The following KCNJ15 variants were observed in gnomAD, a reference collection of about 807,000 sequenced individuals.
The protein encoded by KCNJ15 is ATP-sensitive inward rectifier potassium channel 15.
Under a neutral mutation model 23.0 loss-of-function variants are expected in KCNJ15, and 14 were observed. The observed-to-expected ratio is 0.61, with a 90% CI of 0.40 to 0.95. KCNJ15 has a LOEUF of 0.95. KCNJ15 is among the 40% of genes least tolerant of loss of function. The pLI is 0.00. For missense variants in KCNJ15, 388 were observed against 461.8 expected, an observed-to-expected ratio of 0.84 and a Z score of 1.46; for synonymous variants, 185 against 183.2, an observed-to-expected ratio of 1.01 and a Z score of -0.08.
At chr21:38,245,126 T>A (rs1367857600) in intron 1 of KCNJ15, among the ~76,000 whole-genome samples, 1 of 151,598 alleles carries the variant, frequency 6.6e-6, no homozygotes, top group East Asian at 2.0e-4. Flanking sequence ...CAGAAGGAAG[T>A]CAGAGAGAGA....
chr21:38,247,828 A>C (rs1275910321), intron 1 of KCNJ15, among the ~76,000 whole-genome samples: 1 of 152,168 alleles, frequency 6.6e-6, no homozygotes, highest in African/African-American at 2.4e-5. Context: ...TGCAACTATG[A>C]AAGAAGCTTC....
chr21:38,262,084 CA>C (rs771407142), intron 1 of KCNJ15, among the ~76,000 whole-genome samples: 1 of 152,146 alleles, frequency 6.6e-6, no homozygotes, highest in African/African-American at 2.4e-5. Context: ...ACCTCTTTGC[CA>C]AAAAATACAA....
rs767539923 is a variant in KCNJ15, at chr21:38,299,239, C to T, written c.-18-5C>T. ...ATAATGAAACATCTTTGTCATTTCTCTAAGTGTTTCCAGAGCCTGGCAATG... is the reference window on the plus strand; with the variant it reads ...ATAATGAAACATCTTTGTCATTTCTTTAAGTGTTTCCAGAGCCTGGCAATG... On this transcript the variant is annotated splice_polypyrimidine_tract_variant and splice_region_variant and intron_variant, in intron 2 of 2. Transcript: ENST00000398938. The surrounding 1 kb of genome is among the most constrained non-coding windows in gnomAD (Gnocchi z 4.5). 17 of 1,591,672 alleles carry T rather than the reference C, an allele frequency of 1.1e-5. No individual in the cohort carries two copies. The African/African-American group carries it at 2.0e-4, about 19-fold the overall frequency.
chr21:38,270,429 CA>C (rs1267509926), intron 1 of KCNJ15, among the ~76,000 whole-genome samples: 2 of 152,156 alleles, frequency 1.3e-5, no homozygotes, highest in Non-Finnish European at 2.9e-5. Context: ...TCTCTTTTTA[CA>C]AATGAGGAAA....
chr21:38,300,561 G>T lies in KCNJ15; in HGVS notation c.*172G>T. ...CTTGTGGCTAAACCAGCATTTCTGT[G>T]TTTGAGAGATTTCCTGTTAGGTGCT... On this transcript the variant is annotated 3_prime_UTR_variant, in exon 3 of 3. Transcript: ENST00000398938. The T allele has an allele frequency of 1.7e-6, 1 of 589,902 alleles. No homozygotes were observed. Among genetic ancestry groups the T allele is most frequent in the South Asian group, 2.5e-5 (1 of 40,482 alleles). The allele number at this position is 589,902 out of a possible 1,614,324, so 36.5% of individuals were successfully genotyped here.
chr21:38,277,987 A>G (rs1245919687), intron 1 of KCNJ15, among the ~76,000 whole-genome samples: 1 of 152,216 alleles, frequency 6.6e-6, no homozygotes, highest in African/African-American at 2.4e-5. Flanking sequence ...CTGCCCTCAA[A>G]GAACTTCTAG....
intron 1 of KCNJ15, among the ~76,000 whole-genome samples, chr21:38,279,420 G>T (rs1983092218): frequency 6.6e-6 from 1 of 152,154 alleles, no homozygotes; most frequent in South Asian, 2.1e-4. Flanking sequence ...TGGAGCCTTG[G>T]AGAAAATGCC....
At chr21:38,234,249 C>A (rs1410073907) in intron 1 of KCNJ15, among the ~76,000 whole-genome samples, 1 of 152,206 alleles carries the variant, frequency 6.6e-6, no homozygotes, top group African/African-American at 2.4e-5. Context: ...AATTCATAAA[C>A]TTTCTTAAGA....
intron 2 of KCNJ15, among the ~76,000 whole-genome samples, chr21:38,298,861 G>A (rs1985442106): frequency 6.6e-6 from 1 of 152,148 alleles, no homozygotes; most frequent in Non-Finnish European, 1.5e-5. Context: ...ACAAAAAACA[G>A]CATAACATTA....
chr21:38,286,418 G>T (rs141852687), intron 1 of KCNJ15, among the ~76,000 whole-genome samples: 4 of 152,284 alleles, frequency 2.6e-5, no homozygotes, highest in African/African-American at 9.6e-5. Context: ...TTCTAGAGTA[G>T]AAGATGTTGG....
intron 1 of KCNJ15, among the ~76,000 whole-genome samples, chr21:38,234,578 C>T (rs1044603866): frequency 1.1e-4 from 16 of 152,172 alleles, no homozygotes; most frequent in Admixed American, 6.6e-5. Context: ...AAGTTATTAA[C>T]GAGAGTTTCA....
At chr21:38,270,884 A>T (rs1422811766) in intron 1 of KCNJ15, among the ~76,000 whole-genome samples, 1 of 152,232 alleles carries the variant, frequency 6.6e-6, no homozygotes, top group East Asian at 1.9e-4. Context: ...TAACTGTTCT[A>T]CCTGGGTCAA....
upstream of KCNJ15, among the ~76,000 whole-genome samples, chr21:38,251,814 T>C (rs1456627490): frequency 1.3e-5 from 2 of 152,182 alleles, no homozygotes; most frequent in Non-Finnish European, 2.9e-5. Context: ...AAAATCAGGA[T>C]TATTGGTCAC....
At chr21:38,288,062 A>ATTTTTTTTTTT (rs1984162864) in intron 1 of KCNJ15, among the ~76,000 whole-genome samples, 1 of 11,564 alleles carries the variant, frequency 8.6e-5, no homozygotes, top group Non-Finnish European at 3.0e-4. Context: ...TTTTTTTGAG[A>ATTTTTTTTTTT]TGGAGTCTCA....
intron 1 of KCNJ15, chr21:38,238,005 T>C: frequency 4.8e-6 from 1 of 207,380 alleles, no homozygotes; most frequent in South Asian, 7.8e-5. Context: ...AGCCTAATTC[T>C]GTCCTCTAGG....
chr21:38,253,567 C>T (rs926493234), upstream of KCNJ15, among the ~76,000 whole-genome samples: 2 of 152,202 alleles, frequency 1.3e-5, no homozygotes, highest in African/African-American at 4.8e-5. Context: ...CCATAAATAG[C>T]TCCATATCTA....
intron 1 of KCNJ15, among the ~76,000 whole-genome samples, chr21:38,288,662 A>G (rs1984244049): frequency 6.6e-6 from 1 of 152,236 alleles, no homozygotes; most frequent in Admixed American, 6.5e-5. Flanking sequence ...AGAAAGATAA[A>G]TGTGAGTGGT....
chr21:38,300,968 G>T lies in KCNJ15; in HGVS notation c.*579G>T, dbSNP rs1247801150. On this transcript the variant is annotated 3_prime_UTR_variant, in exon 3 of 3. Transcript: ENST00000398938. ...TTACCTTTCTTCAGTGGACTGAATT[G>T]TATGGAAGGAAATTGATCAGATCTG... The T allele has an allele frequency of 6.0e-6, 1 of 167,094 alleles. No individual in the cohort carries two copies. The highest frequency in any genetic ancestry group is 1.5e-5 in the Non-Finnish European group (1 of 68,196). 10.4% of individuals were successfully genotyped at this position (167,094 alleles called of 1,614,324 possible).
chr21:38,247,018 A>G (rs1053089531), intron 1 of KCNJ15, among the ~76,000 whole-genome samples: 1 of 152,146 alleles, frequency 6.6e-6, no homozygotes, highest in Non-Finnish European at 1.5e-5. Context: ...GCATAGGTAG[A>G]TGGATGGATG....
Sources: gnomAD v4.1 joint callset for allele counts (sites outside exome capture counted in the v4.1 genomes callset) on GRCh38, gnomAD v4.1.1 for gene constraint, Gnocchi (gnomAD v3.1) non-coding constraint, MANE v1.5 for transcripts, NCBI Gene and HGNC (gene_info 2026-07-23, HGNC 2026-07-21) for gene names.